The following TEX48 variants were observed in gnomAD, a reference collection of about 807,000 sequenced individuals.
TEX48 encodes the protein testis-expressed protein 48.
Under a neutral mutation model 13.2 loss-of-function variants are expected in TEX48, and 10 were observed. The ratio of observed to expected loss-of-function variants is 0.75; its 90% CI spans 0.47 to 1.28. The LOEUF is 1.28. TEX48 is among the 50% of genes most tolerant of loss of function. The pLI, the probability that TEX48 is intolerant of heterozygous loss-of-function variation, is 0.00. For missense variants in TEX48, 116 were observed against 139.4 expected (o/e 0.83, Z 0.84); for synonymous variants, 45 against 52.3 (o/e 0.86, Z 0.60).
In TEX48 at chr9:114,671,447, C is replaced by T. The variant is rs1227725026; in HGVS notation, c.63G>A (p.Glu21=). 4 of 1,535,400 alleles carry T rather than the reference C, an allele frequency of 2.6e-6. No homozygotes were observed. Among genetic ancestry groups the T allele is most frequent in the Non-Finnish European group, 3.5e-6 (4 of 1,146,848 alleles). Residue 21 remains glutamate, a synonymous_variant, in exon 3 of 5, where the codon GAG becomes GAA. Transcript: ENST00000436752. ...IFCLCCRDCQ[E]PYAINDSKVP... Reference sequence around the variant, plus strand: ...CCTTGGAGTCATTGATGGCATAGGGCTCCTGACAGTCCCTGCAGCATAAAC... The same window carrying T: ...CCTTGGAGTCATTGATGGCATAGGGTTCCTGACAGTCCCTGCAGCATAAAC...
At chr9:114,679,260 G>A (rs1219060163) in intron 1 of TEX48, among the ~76,000 whole-genome samples, 1 of 150,066 alleles carries the variant, frequency 6.7e-6, no homozygotes, top group Admixed American at 6.7e-5. Context: ...GTCCTAAAAT[G>A]TTAACTAGAA....
chr9:114,680,683 G>T (rs1828178589), intron 1 of TEX48, among the ~76,000 whole-genome samples: 1 of 152,190 alleles, frequency 6.6e-6, no homozygotes, highest in South Asian at 2.1e-4. Flanking sequence ...AGTTGAGGGA[G>T]ACCAGAAGGC....
intron 1 of TEX48, among the ~76,000 whole-genome samples, chr9:114,679,146 G>A (rs772924197): frequency 1.3e-5 from 2 of 151,804 alleles, no homozygotes; most frequent in Admixed American, 1.3e-4. Context: ...AGTAAAAGGA[G>A]CCCTTTCTTT....
At position 114,668,278 on chromosome 9, in the gene TEX48, A is replaced by G; in HGVS notation, c.187T>C (p.Ser63Pro). 1 of 1,535,626 alleles carries G rather than the reference A, an allele frequency of 6.5e-7. No homozygotes were observed. Among genetic ancestry groups the G allele is most frequent in the Non-Finnish European group, 8.7e-7 (1 of 1,146,848 alleles). Residue 63 changes from serine to proline, a missense_variant, in exon 4 of 5, where the codon TCC becomes CCC. Transcript: ENST00000436752. ...AGGGGTGTTCTCGAAGGCAAATGGGAGACTGCGTTAATGCGCTTGGGATTT... is the reference window on the plus strand; with the variant it reads ...AGGGGTGTTCTCGAAGGCAAATGGGGGACTGCGTTAATGCGCTTGGGATTT... ...RQNPKRINAV[S>P]HLPSRTPLIQ...
chr9:114,671,874 G>A (rs1827956011), intron 1 of TEX48, 47 bp from the exon 2 acceptor site: 1 of 793,758 alleles, frequency 1.3e-6, no homozygotes. Flanking sequence ...TCCTTCACCT[G>A]TGTTCACACT....
At chr9:114,671,974 C>A in intron 1 of TEX48, 147 bp from the exon 2 acceptor site, 1 of 557,824 alleles carries the variant, frequency 1.8e-6, no homozygotes, top group Non-Finnish European at 3.2e-6. Flanking sequence ...TGTCCTACCC[C>A]ATGAACAGGT....
Position 114,666,517 on chromosome 9 carries a change from A to AC in TEX48, c.*125dup. ...GCTGGAGTGACTCTTGCTTGGTGGC[A>AC]CAAGGATGGCTCAGATGTCTTCTCC... is the stretch of plus-strand genomic sequence containing the variant. On this transcript the variant is annotated 3_prime_UTR_variant, in exon 5 of 5. Transcript: ENST00000436752. 1 of 587,844 alleles carries AC rather than the reference A, an allele frequency of 1.7e-6. No individual in the cohort carries two copies. Among genetic ancestry groups the AC allele is most frequent in the East Asian group, 2.9e-5 (1 of 33,992 alleles). 36.4% of individuals were successfully genotyped at this position (587,844 alleles called of 1,614,324 possible). A position where few individuals can be genotyped will look rare whatever the true frequency, so the allele number is the denominator to read the frequency against.
chr9:114,680,120 C>CTTTTTTGTTTTTTTTTTTTTTTT (rs2079145442), intron 1 of TEX48, among the ~76,000 whole-genome samples: 1 of 52,126 alleles, frequency 1.9e-5, no homozygotes, highest in Non-Finnish European at 3.8e-5. Context: ...TGTCATTGTC[C>CTTTTTTGTTTTTTTTTTTTTTTT]CTTTTTTTTT....
intron 1 of TEX48, among the ~76,000 whole-genome samples, chr9:114,678,045 A>G (rs1430503909): frequency 6.6e-6 from 1 of 152,206 alleles, no homozygotes; most frequent in Non-Finnish European, 1.5e-5. Flanking sequence ...TACTGTAGCC[A>G]TGATGACAAA....
intron 1 of TEX48, among the ~76,000 whole-genome samples, chr9:114,679,622 CTA>C (rs1472500479): frequency 6.6e-6 from 1 of 152,162 alleles, no homozygotes; most frequent in East Asian, 1.9e-4. Flanking sequence ...ATAATTAAGA[CTA>C]ATTGTTCTGC....
intron 1 of TEX48, among the ~76,000 whole-genome samples, chr9:114,675,619 C>A (rs889593240): frequency 1.3e-5 from 2 of 152,212 alleles, no homozygotes; most frequent in African/African-American, 4.8e-5. Flanking sequence ...TAAACTTTCT[C>A]ATTGGTTTGT....
At chr9:114,669,665 T>C (rs963206536) in intron 3 of TEX48, among the ~76,000 whole-genome samples, 1 of 152,164 alleles carries the variant, frequency 6.6e-6, no homozygotes, top group Non-Finnish European at 1.5e-5. Flanking sequence ...GGTCTCAAAC[T>C]CCCAACCTCA....
At chr9:114,666,996 G>T (rs879781391) in intron 4 of TEX48, among the ~76,000 whole-genome samples, 5 of 152,168 alleles carry the variant, frequency 3.3e-5, no homozygotes, top group Admixed American at 3.3e-4. Flanking sequence ...CAGTGATATG[G>T]AAGGTAGGAG....
intron 1 of TEX48, among the ~76,000 whole-genome samples, chr9:114,674,150 G>A (rs1828005254): frequency 6.6e-6 from 1 of 152,022 alleles, no homozygotes; most frequent in African/African-American, 2.4e-5. Flanking sequence ...CAGTGGTTTT[G>A]CATATTCCTC....
chr9:114,675,431 CTAT>C (rs1295396639), intron 1 of TEX48, among the ~76,000 whole-genome samples: 1 of 152,160 alleles, frequency 6.6e-6, no homozygotes, highest in Non-Finnish European at 1.5e-5. Context: ...TGGGATGATC[CTAT>C]TATTCACTCT....
intron 4 of TEX48, 135 bp downstream of exon 4, chr9:114,668,071 A>T: frequency 1.8e-6 from 2 of 1,141,596 alleles, no homozygotes; most frequent in Non-Finnish European, 2.4e-6. Flanking sequence ...CTGGAATATG[A>T]CTGGGGCTGC....
At chr9:114,668,885 G>A (rs1370812053) in intron 3 of TEX48, among the ~76,000 whole-genome samples, 1 of 152,086 alleles carries the variant, frequency 6.6e-6, no homozygotes, top group East Asian at 1.9e-4. Context: ...TGCCCAGGCT[G>A]GAGTGCAATG....
chr9:114,671,968 C>T (rs900308166), intron 1 of TEX48, 141 bp from the exon 2 acceptor site: 1 of 565,970 alleles, frequency 1.8e-6, no homozygotes, highest in Non-Finnish European at 3.2e-6. Context: ...GCTCTGTGTC[C>T]TACCCCATGA....
At chr9:114,672,610 C>G (rs1300722097) in intron 1 of TEX48, among the ~76,000 whole-genome samples, 2 of 152,196 alleles carry the variant, frequency 1.3e-5, no homozygotes, top group African/African-American at 4.8e-5. Flanking sequence ...ATACCCTGGC[C>G]TAAGCCACCA....
Sources: gnomAD v4.1 joint callset for allele counts (sites outside exome capture counted in the v4.1 genomes callset) on GRCh38, gnomAD v4.1.1 for gene constraint, MANE v1.5 for transcripts, NCBI Gene and HGNC (gene_info 2026-07-23, HGNC 2026-07-21) for gene names.